The following LYPD6 variants were observed in gnomAD, a reference collection of about 807,000 sequenced individuals.
LYPD6 encodes the protein ly6/PLAUR domain-containing protein 6.
In LYPD6, 15 loss-of-function variants were observed where a neutral mutation model predicts 22.7. The ratio of observed to expected loss-of-function variants is 0.66; its 90% CI spans 0.44 to 1.02. LYPD6 has a LOEUF of 1.02. Among genes scored for constraint, LYPD6 ranks in the 50% least tolerant of loss-of-function variants. The pLI, the probability that LYPD6 is intolerant of heterozygous loss-of-function variation, is 0.00. For missense variants in LYPD6, 189 were observed against 208.4 expected, an observed-to-expected ratio of 0.91 and a Z score of 0.57; for synonymous variants, 72 against 77.5, an observed-to-expected ratio of 0.93 and a Z score of 0.37.
intron 1 of LYPD6, among the ~76,000 whole-genome samples, chr2:149,343,528 A>C (rs970463525): frequency 6.6e-6 from 1 of 152,186 alleles, no homozygotes; most frequent in Non-Finnish European, 1.5e-5. Flanking sequence ...GCCTTCCCTG[A>C]AGGGAAAATC....
intron 1 of LYPD6, among the ~76,000 whole-genome samples, chr2:149,375,405 G>T (rs1681894996): frequency 6.6e-6 from 1 of 152,170 alleles, no homozygotes; most frequent in South Asian, 2.1e-4. Context: ...GAATGATGAT[G>T]ATGATAATCA....
chr2:149,343,539 A>T (rs1376561746), intron 1 of LYPD6, among the ~76,000 whole-genome samples: 4 of 152,206 alleles, frequency 2.6e-5, no homozygotes, highest in Admixed American at 6.5e-5. Flanking sequence ...AGGGAAAATC[A>T]TGCTCGTTAA....
At chr2:149,456,564 T>C (rs1040151683) in intron 3 of LYPD6, among the ~76,000 whole-genome samples, 3 of 152,186 alleles carry the variant, frequency 2.0e-5, no homozygotes, top group Non-Finnish European at 4.4e-5. Context: ...AGAGAGGTAA[T>C]TAAGTGAGGT....
intron 1 of LYPD6, among the ~76,000 whole-genome samples, chr2:149,337,569 A>T (rs780470684): frequency 4.0e-5 from 6 of 151,882 alleles, no homozygotes; most frequent in Admixed American, 6.6e-5. Context: ...GCTTGGGTTC[A>T]TCATCTTTTT....
intron 3 of LYPD6, among the ~76,000 whole-genome samples, chr2:149,455,821 A>G (rs1401379115): frequency 1.3e-5 from 2 of 152,138 alleles, no homozygotes; most frequent in Non-Finnish European, 2.9e-5. Flanking sequence ...TAATAAGTAC[A>G]TTGCCTTCTG....
chr2:149,399,955 C>G (rs1682516100), intron 1 of LYPD6, among the ~76,000 whole-genome samples: 1 of 152,144 alleles, frequency 6.6e-6, no homozygotes, highest in Non-Finnish European at 1.5e-5. Context: ...ACAGCATTGG[C>G]AAAGCTTTGT....
At chr2:149,405,299 A>G (rs982950485) in intron 1 of LYPD6, among the ~76,000 whole-genome samples, 11 of 152,054 alleles carry the variant, frequency 7.2e-5, no homozygotes, top group Non-Finnish European at 2.9e-5. Flanking sequence ...GAATAGTTTC[A>G]GAAGCAATGG....
At chr2:149,357,164 G>A (rs1292121041) in intron 1 of LYPD6, among the ~76,000 whole-genome samples, 2 of 152,192 alleles carry the variant, frequency 1.3e-5, no homozygotes, top group African/African-American at 4.8e-5. Flanking sequence ...CTCCTACTTA[G>A]TTATCTACCC....
At chr2:149,363,791 A>C (rs1292524464) in intron 1 of LYPD6, among the ~76,000 whole-genome samples, 1 of 152,198 alleles carries the variant, frequency 6.6e-6, no homozygotes, top group African/African-American at 2.4e-5. Context: ...GTTGATGTAG[A>C]TCTTTTGCAG....
Position 149,421,410 on chromosome 2 carries a change from AAG to A in LYPD6, c.-71-16227_-71-16226del, listed in dbSNP as rs1251322409. On this transcript the variant is annotated intron_variant, in intron 1 of 4. Coordinates refer to ENST00000334166, the MANE Select transcript of LYPD6 (RefSeq NM_194317.5). ...ATCTCAAAAAAAAAAAAAAAAAAAA[AAG>A]TGTGTTTTTATTTCTTGATGTCCCA... Among the ~76,000 whole-genome samples the A allele has an allele frequency of 1.0e-3, 156 of 151,462 alleles. 1 individual carries two copies. The highest frequency in any genetic ancestry group is 1.7e-3 in the Non-Finnish European group (113 of 67,874).
chr2:149,405,714 T>G (rs542517212), intron 1 of LYPD6, among the ~76,000 whole-genome samples: 99 of 152,186 alleles, frequency 6.5e-4, no homozygotes, highest in African/African-American at 2.3e-3. Context: ...TTTGAAGGGT[T>G]TTTTGTGTCT....
chr2:149,457,002 A>G (rs190019967), intron 3 of LYPD6, among the ~76,000 whole-genome samples: 1 of 152,358 alleles, frequency 6.6e-6, no homozygotes, highest in East Asian at 1.9e-4. Flanking sequence ...AACAGATACT[A>G]TAATTTATTC....
rs1680994438 is a variant in LYPD6 at position 149,334,368 on chromosome 2, T to G, written c.-72+3646T>G. 2.0e-5 allele frequency among the ~76,000 whole-genome samples: 3 copies of G among 152,132 alleles called. No homozygotes were observed. In the South Asian group the frequency reaches 6.2e-4, roughly 32 times the overall value. The stretch of plus-strand genomic sequence containing the variant: ...ATCATACCAAACATGTACTGGGAGA[T>G]AAAAAGAGATAAAACAGCGTGTAAA... On this transcript the variant is annotated intron_variant, in intron 1 of 4. Transcript: ENST00000334166.
At chr2:149,339,690 G>A (rs755461635) in intron 1 of LYPD6, among the ~76,000 whole-genome samples, 3 of 152,048 alleles carry the variant, frequency 2.0e-5, no homozygotes, top group Non-Finnish European at 4.4e-5. Flanking sequence ...TGAAAACAAG[G>A]GATTTTAGAC....
chr2:149,401,595 C>T (rs1682557161), intron 1 of LYPD6, among the ~76,000 whole-genome samples: 1 of 152,166 alleles, frequency 6.6e-6, no homozygotes, highest in Non-Finnish European at 1.5e-5. Flanking sequence ...TTTTCTATAT[C>T]TGGTGGAAAT....
At chr2:149,398,411 CTTTG>C (rs2105105812) in intron 1 of LYPD6, among the ~76,000 whole-genome samples, 1 of 90,394 alleles carries the variant, frequency 1.1e-5, no homozygotes, top group African/African-American at 4.5e-5. Context: ...GCAAAGATGG[CTTTG>C]TGTGTGTGTG....
intron 1 of LYPD6, among the ~76,000 whole-genome samples, chr2:149,435,862 C>T (rs1683419181): frequency 6.6e-6 from 1 of 152,156 alleles, no homozygotes; most frequent in Admixed American, 6.5e-5. Context: ...GAGAGCTCTA[C>T]TCTGTTGTCT....
chr2:149,467,489 T>C (rs955313451), intron 3 of LYPD6, among the ~76,000 whole-genome samples: 2 of 152,186 alleles, frequency 1.3e-5, no homozygotes, highest in Non-Finnish European at 2.9e-5. Context: ...TATTAGCTCA[T>C]TCTCAAGACC....
intron 3 of LYPD6, among the ~76,000 whole-genome samples, chr2:149,462,757 C>A (rs1192610220): frequency 2.0e-5 from 3 of 151,866 alleles, no homozygotes; most frequent in African/African-American, 7.2e-5. Context: ...AAAATATGCC[C>A]ATCTAATTTT....
Sources: gnomAD v4.1 joint callset for allele counts (sites outside exome capture counted in the v4.1 genomes callset) on GRCh38, gnomAD v4.1.1 for gene constraint, MANE v1.5 for transcripts, NCBI Gene and HGNC (gene_info 2026-07-23, HGNC 2026-07-21) for gene names.